PRR11: variants seen among roughly 807,000 people sequenced by gnomAD.
The protein encoded by PRR11 is proline-rich protein 11.
In PRR11, 30 loss-of-function variants were observed where a neutral mutation model predicts 45.6. That is an observed-to-expected ratio of 0.66 (90% CI 0.49 to 0.89). The LOEUF (loss-of-function observed/expected upper bound fraction) is 0.89, where lower values mean the gene tolerates loss of function less well. Ranked by LOEUF, PRR11 falls within the 40% of genes least tolerant of loss-of-function variation. The probability of loss-of-function intolerance (pLI) is 0.00; values close to 1 mark genes in which losing one functional copy is unlikely to be tolerated. For missense variants in PRR11, 373 were observed against 424.8 expected, an observed-to-expected ratio of 0.88 and a Z score of 1.07; for synonymous variants, 128 against 153.5, an observed-to-expected ratio of 0.83 and a Z score of 1.23.
At position 59,197,539 on chromosome 17, in the gene PRR11, A is replaced by G. The variant is rs773388378; in HGVS notation, c.858-5A>G. On this transcript the variant is annotated splice_polypyrimidine_tract_variant and splice_region_variant and intron_variant, in intron 7 of 9. Transcript: ENST00000262293. ...GTTCTAATTTTTATATCTTTGTTTT[A>G]TCAGCACTCCTGGAAAAAGTCAGAT... 3.1e-6 allele frequency: 5 copies of G among 1,613,198 alleles called. No homozygotes were observed. The highest frequency in any genetic ancestry group is 1.7e-4 in the Middle Eastern group (1 of 5,994).
intron 9 of PRR11, among the ~76,000 whole-genome samples, chr17:59,201,352 G>GA (rs1286218828): frequency 6.6e-6 from 1 of 152,152 alleles, no homozygotes; most frequent in African/African-American, 2.4e-5. Flanking sequence ...AAGAGAAGGA[G>GA]AAAGGCAAAT....
chr17:59,165,965 GA>G (rs1476182117), intron 1 of PRR11, among the ~76,000 whole-genome samples: 2 of 152,176 alleles, frequency 1.3e-5, no homozygotes, highest in Non-Finnish European at 2.9e-5. Flanking sequence ...GGACAATTAA[GA>G]AAAGCACCTT....
chr17:59,196,838 G>A (rs867410649), intron 7 of PRR11, among the ~76,000 whole-genome samples: 1 of 151,782 alleles, frequency 6.6e-6, no homozygotes. Context: ...GTTCCCATCG[G>A]CATCTACTGC....
Position 59,185,551 on chromosome 17 carries a change from G to T in PRR11, c.391G>T (p.Glu131Ter). 2 of 1,603,632 alleles carry T rather than the reference G, an allele frequency of 1.2e-6. No homozygotes were observed. The highest frequency in any genetic ancestry group is 1.7e-6 in the Non-Finnish European group (2 of 1,177,056). The change falls in exon 4 of 10, where the codon GAA becomes TAA. Residue 131 changes from glutamate to a stop codon, truncating the protein, a stop_gained. Transcript: ENST00000262293. LOFTEE classifies it high-confidence loss of function. ...ILESKLCKLQEALKTISESSS... is the reference protein window; with the variant it reads ...ILESKLCKLQ ...GGAAAGTAAATTATGCAAGCTCCAGGAAGCACTGAAGGTTGGTATTGTCAA... is the reference window on the plus strand; with the variant it reads ...GGAAAGTAAATTATGCAAGCTCCAGTAAGCACTGAAGGTTGGTATTGTCAA...
chr17:59,179,125 G>T (rs970036172), intron 2 of PRR11, among the ~76,000 whole-genome samples: 1 of 152,112 alleles, frequency 6.6e-6, no homozygotes, highest in South Asian at 2.1e-4. Context: ...TCAGTCCCCT[G>T]AGTAGCTGGG....
chr17:59,161,913 T>G (rs1244909157), intron 1 of PRR11, among the ~76,000 whole-genome samples: 1 of 152,242 alleles, frequency 6.6e-6, no homozygotes, highest in Non-Finnish European at 1.5e-5. Flanking sequence ...GACTGCTATA[T>G]ACTCTTTCAA....
At chr17:59,182,590 A>C (rs1397607084) in intron 2 of PRR11, among the ~76,000 whole-genome samples, 1 of 150,846 alleles carries the variant, frequency 6.6e-6, no homozygotes, top group Non-Finnish European at 1.5e-5. Flanking sequence ...ATGGGGTTTC[A>C]CCATGTTGGC....
intron 7 of PRR11, among the ~76,000 whole-genome samples, chr17:59,196,035 A>G (rs2046864288): frequency 6.6e-6 from 1 of 150,528 alleles, no homozygotes. Context: ...CTGCAGTAAG[A>G]AGTGATTGTG....
intron 1 of PRR11, among the ~76,000 whole-genome samples, chr17:59,162,941 G>A (rs961119803): frequency 2.6e-5 from 4 of 151,832 alleles, no homozygotes; most frequent in Non-Finnish European, 4.4e-5. Flanking sequence ...TGTTGGTCAG[G>A]CTGGTCTTGA....
At chr17:59,171,275 AG>A (rs1434737802) in intron 2 of PRR11, among the ~76,000 whole-genome samples, 1 of 152,162 alleles carries the variant, frequency 6.6e-6, no homozygotes, top group Non-Finnish European at 1.5e-5. Context: ...AAAAAAAAAA[AG>A]TAACATACAA....
intron 2 of PRR11, among the ~76,000 whole-genome samples, chr17:59,170,240 G>A (rs985396343): frequency 5.9e-5 from 9 of 151,600 alleles, no homozygotes; most frequent in African/African-American, 7.3e-5. Context: ...CAACAAGAGC[G>A]AGACTCCCTC....
intron 4 of PRR11, among the ~76,000 whole-genome samples, chr17:59,190,895 C>A (rs535856100): frequency 1.7e-3 from 252 of 152,282 alleles, no homozygotes; most frequent in African/African-American, 5.8e-3. Context: ...TGAAGGGAAA[C>A]CCAGGTGCTT....
chr17:59,195,905 C>T (rs1220535994), intron 7 of PRR11, among the ~76,000 whole-genome samples: 1 of 151,562 alleles, frequency 6.6e-6, no homozygotes, highest in African/African-American at 2.4e-5. Context: ...ATAGTGAGAG[C>T]CCCATCTCTA....
At chr17:59,174,785 ACG>A (rs1204813396) in intron 2 of PRR11, among the ~76,000 whole-genome samples, 1 of 152,092 alleles carries the variant, frequency 6.6e-6, no homozygotes, top group Non-Finnish European at 1.5e-5. Context: ...GCTCTAGGAA[ACG>A]CGGTGCGATC....
At chr17:59,198,434 G>A (rs999738749) in intron 9 of PRR11, among the ~76,000 whole-genome samples, 7 of 152,162 alleles carry the variant, frequency 4.6e-5, no homozygotes, top group African/African-American at 1.4e-4. Context: ...CCAGCACTTT[G>A]GAAGGCCGAG....
chr17:59,175,560 G>A (rs1193915183), intron 2 of PRR11, among the ~76,000 whole-genome samples: 6 of 152,120 alleles, frequency 3.9e-5, no homozygotes, highest in Non-Finnish European at 1.5e-5. Context: ...CCAGGAGTTC[G>A]AGACCAGCCC....
chr17:59,171,289 A>AT (rs1203487263), intron 2 of PRR11, among the ~76,000 whole-genome samples: 4 of 152,176 alleles, frequency 2.6e-5, no homozygotes, highest in African/African-American at 9.6e-5. Context: ...ACATACAAAC[A>AT]TGACAATACA....
At chr17:59,197,965 A>T in intron 9 of PRR11, 176 bp downstream of exon 9, 2 of 595,558 alleles carry the variant, frequency 3.4e-6, no homozygotes, top group South Asian at 4.1e-5. Flanking sequence ...AATACAAAAA[A>T]TTAGCCAGGC....
chr17:59,191,306 C>A (rs1177035613), intron 4 of PRR11, among the ~76,000 whole-genome samples: 2 of 151,590 alleles, frequency 1.3e-5, no homozygotes, highest in Non-Finnish European at 2.9e-5. Context: ...GCAGCCTCCA[C>A]CTCCCGGGTT....
Sources: allele counts gnomAD v4.1 joint callset (sites outside exome capture counted in the v4.1 genomes callset), GRCh38; gene constraint gnomAD v4.1.1; transcripts MANE v1.5; gene names NCBI Gene and HGNC (gene_info 2026-07-23, HGNC 2026-07-21).